EVC2: variants seen among roughly 807,000 people sequenced by gnomAD.
EVC2 encodes the protein EvC ciliary complex subunit 2, also known as limbin.
EVC2 carries 148 observed loss-of-function variants against 149.3 expected under a neutral mutation model. The ratio of observed to expected loss-of-function variants is 0.99; its 90% CI spans 0.87 to 1.14. The LOEUF (loss-of-function observed/expected upper bound fraction) is 1.14. Among genes scored for constraint, EVC2 ranks in the 50% most tolerant of loss-of-function variants. EVC2 has a pLI of 0.00. For synonymous variants in EVC2, 776 were observed against 649.9 expected, an observed-to-expected ratio of 1.19 and a Z score of -2.95; for missense variants, 1,854 against 1,627.3, an observed-to-expected ratio of 1.14 and a Z score of -2.40.
chr4:5,702,299 G>T (rs1027969594), intron 1 of EVC2, among the ~76,000 whole-genome samples: 1 of 152,152 alleles, frequency 6.6e-6, no homozygotes. Flanking sequence ...AACCACCAGT[G>T]GACACACCAC....
At position 5,686,183 on chromosome 4, in the gene EVC2, T is replaced by A. The variant is rs1463385696; in HGVS notation, c.707-704A>T. Among the ~76,000 whole-genome samples the A allele has an allele frequency of 1.3e-5, 2 of 151,990 alleles. No homozygotes were observed. Among genetic ancestry groups the A allele is most frequent in the African/African-American group, 2.4e-5 (1 of 41,422 alleles). Reference sequence around the variant, plus strand: ...TAGCCTAAGGAATCACTGGCATTTTTGTTTTAAAAATCCTCAACATTTTCA... The same window carrying A: ...TAGCCTAAGGAATCACTGGCATTTTAGTTTTAAAAATCCTCAACATTTTCA... On this transcript the variant is annotated intron_variant, in intron 5 of 21. Transcript: ENST00000344408. The surrounding 1 kb of genome is among the most constrained non-coding windows in gnomAD (Gnocchi z 5.4).
chr4:5,645,692 T>C (rs1270891257), intron 9 of EVC2, among the ~76,000 whole-genome samples: 2 of 152,226 alleles, frequency 1.3e-5, no homozygotes, highest in South Asian at 2.1e-4. Context: ...TTCCATATCT[T>C]TGCTATTGTG....
intron 17 of EVC2, among the ~76,000 whole-genome samples, chr4:5,582,072 A>T (rs949640927): frequency 6.6e-5 from 10 of 152,222 alleles, no homozygotes; most frequent in African/African-American, 2.4e-4. Flanking sequence ...GCCCTCATGG[A>T]GAACCTCTGC....
intron 9 of EVC2, among the ~76,000 whole-genome samples, chr4:5,645,742 C>T (rs1012765691): frequency 6.6e-5 from 10 of 152,138 alleles, no homozygotes; most frequent in East Asian, 1.9e-4. Context: ...TGTGTCTTTA[C>T]GACAGAATGA....
At chr4:5,556,357 G>T (rs1243509576) in intron 21 of EVC2, among the ~76,000 whole-genome samples, 1 of 151,922 alleles carries the variant, frequency 6.6e-6, no homozygotes, top group Non-Finnish European at 1.5e-5. Context: ...GGACAATGAA[G>T]TCTCAAGAGA....
chr4:5,556,811 C>A (rs540182127), intron 21 of EVC2, among the ~76,000 whole-genome samples: 7 of 152,236 alleles, frequency 4.6e-5, no homozygotes, highest in African/African-American at 1.7e-4. Flanking sequence ...CAACTCTATG[C>A]CCATAATTTT....
At chr4:5,551,346 G>A (rs1721734403) in intron 21 of EVC2, among the ~76,000 whole-genome samples, 1 of 152,196 alleles carries the variant, frequency 6.6e-6, no homozygotes, top group African/African-American at 2.4e-5. Flanking sequence ...AGCATGACCT[G>A]GATGTGAGAC....
intron 10 of EVC2, among the ~76,000 whole-genome samples, chr4:5,639,410 T>C (rs747140692): frequency 2.0e-5 from 3 of 152,242 alleles, no homozygotes; most frequent in African/African-American, 4.8e-5. Flanking sequence ...GACACAACTT[T>C]TGGAAAAACA....
intron 7 of EVC2, among the ~76,000 whole-genome samples, chr4:5,675,857 T>G (rs1719949169): frequency 6.6e-6 from 1 of 152,268 alleles, no homozygotes; most frequent in East Asian, 1.9e-4. Context: ...GGCAGGAGAA[T>G]TGCTTGAACC....
chr4:5,677,939 C>A lies in EVC2; in HGVS notation c.870+3321G>T, dbSNP rs988518683. Among the ~76,000 whole-genome samples, 7 of 152,314 alleles carry A rather than the reference C, an allele frequency of 4.6e-5. No homozygotes were observed. The highest frequency in any genetic ancestry group is 3.4e-3 in the Middle Eastern group (1 of 294). ...CTCTTCTGTGCAGGACTCTGGCTCT[C>A]TGGGAGGCGGTGTGGTCCAGTGCCT... is the stretch of plus-strand genomic sequence containing the variant. On this transcript the variant is annotated intron_variant, in intron 7 of 21. Transcript: ENST00000344408. This position sits in a 1 kb window ranked among gnomAD's most constrained non-coding sequence, Gnocchi z 4.3.
intron 9 of EVC2, among the ~76,000 whole-genome samples, chr4:5,645,768 G>T (rs1717666580): frequency 6.6e-6 from 1 of 152,100 alleles, no homozygotes; most frequent in Non-Finnish European, 1.5e-5. Flanking sequence ...AGTCCTTTGG[G>T]TATATACTCA....
chr4:5,683,771 CCCAGGAACACACACAGCTGG>C (rs767329652), intron 6 of EVC2, among the ~76,000 whole-genome samples: 24,602 of 144,658 alleles, frequency 0.17, 2,404 homozygotes, highest in Non-Finnish European at 0.2. Flanking sequence ...GCCAGCCCGG[CCCAGGAACACACACAGCTGG>C]CCAGGAACAC....
chr4:5,530,564 C>T, the EVC2 span, among the ~76,000 whole-genome samples: 1 of 152,108 alleles, frequency 6.6e-6, no homozygotes, highest in Admixed American at 6.6e-5. Context: ...AAAATCCAGT[C>T]TCTTACCAAA....
chr4:5,653,543 A>G (rs1235797465), intron 9 of EVC2, among the ~76,000 whole-genome samples: 1 of 152,180 alleles, frequency 6.6e-6, no homozygotes, highest in Non-Finnish European at 1.5e-5. Flanking sequence ...TCTTTCCCCT[A>G]AGAAAGGTAA....
the EVC2 span, among the ~76,000 whole-genome samples, chr4:5,530,399 C>G: frequency 2.6e-5 from 4 of 152,158 alleles, no homozygotes; most frequent in Non-Finnish European, 4.4e-5. Context: ...CCTTATCTCT[C>G]TAGGATAGTT....
chr4:5,586,161 C>T (rs900105322), intron 16 of EVC2, among the ~76,000 whole-genome samples: 1 of 152,184 alleles, frequency 6.6e-6, no homozygotes, highest in East Asian at 1.9e-4. Context: ...CATGCCCGAC[C>T]TGTCTAGCTG....
At chr4:5,631,570 G>GGC (rs879602176) in intron 11 of EVC2, among the ~76,000 whole-genome samples, 4 of 151,346 alleles carry the variant, frequency 2.6e-5, no homozygotes, top group South Asian at 4.2e-4. Context: ...AGTAGACTGG[G>GGC]GGGGGGAACT....
At chr4:5,561,675 A>ACC (rs1254289681), downstream of EVC2, among the ~76,000 whole-genome samples, 17 of 152,266 alleles carry the variant, frequency 1.1e-4, no homozygotes, top group African/African-American at 3.9e-4. Context: ...TCAGGTTCAA[A>ACC]TTGAGGATTC....
intron 21 of EVC2, among the ~76,000 whole-genome samples, chr4:5,563,482 G>A (rs961833102): frequency 4.6e-5 from 7 of 152,164 alleles, no homozygotes; most frequent in African/African-American, 1.7e-4. Flanking sequence ...GAGTAACTGG[G>A]ACGACAGGCG....
Sources: allele counts gnomAD v4.1 joint callset (sites outside exome capture counted in the v4.1 genomes callset), GRCh38; gene constraint gnomAD v4.1.1; non-coding constraint Gnocchi (gnomAD v3.1); transcripts MANE v1.5; gene names NCBI Gene and HGNC (gene_info 2026-07-23, HGNC 2026-07-21).